TRPC5: variants seen among roughly 807,000 people sequenced by gnomAD.
TRPC5 encodes the protein transient receptor potential cation channel subfamily C member 5, also known as short transient receptor potential channel 5.
TRPC5 carries 9 observed loss-of-function variants against 56.5 expected under a neutral mutation model. That is an observed-to-expected ratio of 0.16 (90% CI 0.10 to 0.28). The LOEUF (loss-of-function observed/expected upper bound fraction) is 0.28, where lower values mean the gene tolerates loss of function less well. Ranked by LOEUF, TRPC5 falls within the 10% of genes least tolerant of loss-of-function variation. The pLI is 1.00. For synonymous variants in TRPC5, 282 were observed against 278.5 expected, an observed-to-expected ratio of 1.01 and a Z score of -0.13; for missense variants, 469 against 748.9, an observed-to-expected ratio of 0.63 and a Z score of 4.36.
intron 2 of TRPC5, among the ~76,000 whole-genome samples, chrX:111,942,010 C>T (rs1246702343): frequency 1.8e-5 from 2 of 111,959 alleles, no homozygotes; most frequent in Non-Finnish European, 3.8e-5. Context: ...GAGCCAGTCT[C>T]AGCAAGAGAG....
At chrX:112,072,673 A>G (rs772462562) in intron 1 of TRPC5, among the ~76,000 whole-genome samples, 1 of 112,412 alleles carries the variant, frequency 8.9e-6, no homozygotes, top group Non-Finnish European at 1.9e-5. Context: ...TATGTCAGAA[A>G]AAAATGACAT....
intron 3 of TRPC5, chrX:111,902,254 T>C: frequency 2.8e-6 from 2 of 717,962 alleles, no homozygotes; most frequent in Non-Finnish European, 1.9e-6. Flanking sequence ...TATATTCTTA[T>C]TTTCTGTATA....
chrX:111,976,784 A>G (rs147466497), intron 1 of TRPC5, among the ~76,000 whole-genome samples: 8,543 of 111,350 alleles, frequency 0.077, 333 homozygotes, highest in Non-Finnish European at 0.11. Context: ...ATAAGTCAGT[A>G]AAGTTGTAGA....
chrX:112,076,920 A>C (rs1289650353), intron 1 of TRPC5, among the ~76,000 whole-genome samples: 1 of 112,167 alleles, frequency 8.9e-6, no homozygotes, highest in Non-Finnish European at 1.9e-5. Context: ...GATTCACGTC[A>C]ATTAGAAATA....
In TRPC5 at chrX:111,771,147, C is replaced by T. The variant is rs1480649258; in HGVS notation, c.*5166G>A. 2.7e-5 allele frequency among the ~76,000 whole-genome samples: 3 copies of T among 111,280 alleles called. No homozygotes were observed. In the East Asian group the frequency reaches 8.5e-4, roughly 31 times the overall value. ...GGGTAGGACAGATACATGCTACTTT[C>T]AGGGATGTATGACAGTTGATTTCAA... On this transcript the variant is annotated 3_prime_UTR_variant, in exon 11 of 11. Transcript: ENST00000262839.
At chrX:111,889,539 T>C (rs1490576667) in intron 3 of TRPC5, among the ~76,000 whole-genome samples, 1 of 112,226 alleles carries the variant, frequency 8.9e-6, no homozygotes, top group Non-Finnish European at 1.9e-5. Context: ...GCCAGAGGAC[T>C]GTGTTGTAAC....
At chrX:112,056,301 T>G (rs1044778806) in intron 1 of TRPC5, among the ~76,000 whole-genome samples, 1 of 112,137 alleles carries the variant, frequency 8.9e-6, no homozygotes, top group African/African-American at 3.2e-5. Context: ...TCTCCCCGTG[T>G]GATTCTGATA....
At chrX:111,794,241 T>C (rs748037188) in intron 7 of TRPC5, among the ~76,000 whole-genome samples, 1 of 111,693 alleles carries the variant, frequency 9.0e-6, no homozygotes, top group South Asian at 3.8e-4. Context: ...AAAGAAAAAA[T>C]CAGTTGGGGA....
chrX:111,851,019 C>T (rs1011778808), intron 5 of TRPC5, among the ~76,000 whole-genome samples: 1 of 111,888 alleles, frequency 8.9e-6, no homozygotes, highest in South Asian at 3.7e-4. Flanking sequence ...CACCCAGGCA[C>T]ATTAACCAGG....
At chrX:111,974,704 G>A (rs945193755) in intron 1 of TRPC5, among the ~76,000 whole-genome samples, 15 of 110,538 alleles carry the variant, frequency 1.4e-4, no homozygotes, top group African/African-American at 4.9e-4. Flanking sequence ...GCTCCCCAAA[G>A]ACCCATCACC....
At chrX:111,826,341 ATTG>A (rs1461706653) in intron 7 of TRPC5, among the ~76,000 whole-genome samples, 1 of 112,268 alleles carries the variant, frequency 8.9e-6, no homozygotes, top group Non-Finnish European at 1.9e-5. Flanking sequence ...GAAAATGTAA[ATTG>A]TTGTCTGAAA....
chrX:111,931,050 G>A (rs919260370), intron 2 of TRPC5: 1 of 112,379 alleles, frequency 8.9e-6, no homozygotes, highest in African/African-American at 3.3e-5. Flanking sequence ...AGGCCAAGCA[G>A]CAGATGCAGT....
chrX:112,027,068 A>G (rs1929432867), intron 1 of TRPC5, among the ~76,000 whole-genome samples: 1 of 111,696 alleles, frequency 9.0e-6, no homozygotes, highest in African/African-American at 3.2e-5. Context: ...CAGTTACCAC[A>G]TTTCTGCCCT....
intron 7 of TRPC5, among the ~76,000 whole-genome samples, chrX:111,793,512 C>G: frequency 9.0e-6 from 1 of 111,694 alleles, no homozygotes; most frequent in East Asian, 2.8e-4. Flanking sequence ...CCACCTCATA[C>G]CCAATAGGAT....
intron 1 of TRPC5, among the ~76,000 whole-genome samples, chrX:112,007,877 A>T (rs1379523229): frequency 9.0e-6 from 1 of 111,429 alleles, no homozygotes; most frequent in East Asian, 2.8e-4. Flanking sequence ...GTTCCATATT[A>T]AAGGACCAGA....
intron 7 of TRPC5, among the ~76,000 whole-genome samples, chrX:111,789,481 A>T (rs893387583): frequency 8.0e-5 from 9 of 112,355 alleles, no homozygotes; most frequent in Non-Finnish European, 1.1e-4. Context: ...AACCTAGGCA[A>T]TACCATTCAG....
chrX:111,994,868 C>T (rs370367807), intron 1 of TRPC5, among the ~76,000 whole-genome samples: 183 of 111,889 alleles, frequency 1.6e-3, no homozygotes, highest in African/African-American at 5.4e-3. Context: ...ATTTGACTTC[C>T]TCATTTCCTA....
At chrX:112,071,591 A>T (rs1019449846) in intron 1 of TRPC5, among the ~76,000 whole-genome samples, 10 of 112,183 alleles carry the variant, frequency 8.9e-5, no homozygotes, top group African/African-American at 3.2e-4. Context: ...AGGCTCTGCC[A>T]TTGTAGTAGG....
intron 1 of TRPC5, among the ~76,000 whole-genome samples, chrX:111,966,815 T>G (rs1927599535): frequency 8.9e-6 from 1 of 112,293 alleles, no homozygotes; most frequent in South Asian, 3.7e-4. Flanking sequence ...AATTAGGTAT[T>G]GATGGGACGT....
Sources: gnomAD v4.1 joint callset for allele counts (sites outside exome capture counted in the v4.1 genomes callset) on GRCh38, gnomAD v4.1.1 for gene constraint, MANE v1.5 for transcripts, NCBI Gene and HGNC (gene_info 2026-07-23, HGNC 2026-07-21) for gene names.